Variants in CDIN1 observed in about 807,000 individuals in gnomAD.
The protein encoded by CDIN1 is CDAN1-interacting nuclease 1.
Under a neutral mutation model 45.3 loss-of-function variants are expected in CDIN1, and 33 were observed. The ratio of observed to expected loss-of-function variants is 0.73; its 90% CI spans 0.55 to 0.97. The LOEUF (loss-of-function observed/expected upper bound fraction) is 0.97, where lower values mean the gene tolerates loss of function less well. Ranked by LOEUF, CDIN1 falls within the 50% of genes least tolerant of loss-of-function variation. CDIN1 has a pLI of 0.00. For missense variants in CDIN1, 303 were observed against 339.4 expected, an observed-to-expected ratio of 0.89 and a Z score of 0.84; for synonymous variants, 118 against 124.4, an observed-to-expected ratio of 0.95 and a Z score of 0.34.
chr15:36,691,154 G>T, intron 5 of CDIN1: 1 of 518,546 alleles, frequency 1.9e-6, no homozygotes, highest in South Asian at 1.4e-5. Flanking sequence ...GGATTTTATG[G>T]CAGTTGATGA....
intron 10 of CDIN1, 64 bp from the exon 11 acceptor site, chr15:36,808,260 G>A (rs1442209138): frequency 6.3e-7 from 1 of 1,588,802 alleles, no homozygotes. Context: ...AGTGCCCCAA[G>A]GTGACTTTTT....
Position 36,596,562 on chromosome 15 carries a change from A to G in CDIN1, c.101+16601A>G, listed in dbSNP as rs893871154. On this transcript the variant is annotated intron_variant, in intron 1 of 10. Coordinates refer to ENST00000566621, the MANE Select transcript of CDIN1 (RefSeq NM_001321759.2). ...AACAGTTCAAAATGAATGTAAAAAA[A>G]ATTAGTTGCCAACTTGATATAAAGT... Among the ~76,000 whole-genome samples, 12 of 152,306 alleles carry G rather than the reference A, an allele frequency of 7.9e-5. No individual in the cohort carries two copies. The East Asian group carries it at 2.3e-3, about 29-fold the overall frequency.
intron 1 of CDIN1, among the ~76,000 whole-genome samples, chr15:36,606,671 A>G (rs1031504755): frequency 2.0e-5 from 3 of 152,206 alleles, no homozygotes; most frequent in Non-Finnish European, 4.4e-5. Context: ...TTACCTGCTT[A>G]TGATGTCTGT....
intron 10 of CDIN1, chr15:36,798,645 C>T (rs1166897403): frequency 6.6e-6 from 1 of 152,118 alleles, no homozygotes; most frequent in African/African-American, 2.4e-5. Flanking sequence ...ATATCCAAAA[C>T]CCATAAATCT....
At chr15:36,713,382 T>A (rs1171768488) in intron 10 of CDIN1, among the ~76,000 whole-genome samples, 1 of 152,002 alleles carries the variant, frequency 6.6e-6, no homozygotes, top group Non-Finnish European at 1.5e-5. Flanking sequence ...AAAGTGCACT[T>A]TGTTGATATA....
Position 36,677,096 on chromosome 15 carries a change from A to G in CDIN1, c.347-14589A>G, listed in dbSNP as rs1188211846. ...CTCTTTCCTTTGGCAGTGTGTTCAT[A>G]AATGTATTTATTCAGCAGTTTGTTG... On this transcript the variant is annotated intron_variant, in intron 5 of 10. Coordinates refer to ENST00000566621, the MANE Select transcript of CDIN1 (RefSeq NM_001321759.2). Among the ~76,000 whole-genome samples, 15 of 152,132 alleles carry G rather than the reference A, an allele frequency of 9.9e-5. No homozygotes were observed. In the East Asian group the frequency reaches 2.9e-3, roughly 29 times the overall value.
intron 10 of CDIN1, among the ~76,000 whole-genome samples, chr15:36,746,578 A>C (rs2044442802): frequency 6.6e-6 from 1 of 151,832 alleles, no homozygotes; most frequent in Admixed American, 6.6e-5. Flanking sequence ...TCTCTGTTTT[A>C]ATGCTTCATC....
intron 1 of CDIN1, among the ~76,000 whole-genome samples, chr15:36,615,352 A>G (rs1004108376): frequency 4.6e-5 from 7 of 152,148 alleles, no homozygotes; most frequent in Non-Finnish European, 5.9e-5. Flanking sequence ...TTGGCTTAAA[A>G]TGTACTCTCC....
chr15:36,741,226 A>G (rs1202164903), intron 10 of CDIN1, among the ~76,000 whole-genome samples: 1 of 152,178 alleles, frequency 6.6e-6, no homozygotes, highest in Non-Finnish European at 1.5e-5. Context: ...CATGACCTCT[A>G]CTTTATGAGG....
chr15:36,753,696 A>G (rs1167002452), intron 10 of CDIN1, among the ~76,000 whole-genome samples: 1 of 151,824 alleles, frequency 6.6e-6, no homozygotes, highest in African/African-American at 2.4e-5. Flanking sequence ...GTGTTCTCTA[A>G]GGACTCTGCC....
intron 5 of CDIN1, among the ~76,000 whole-genome samples, chr15:36,669,313 C>T (rs1566883939): frequency 6.6e-6 from 1 of 152,076 alleles, no homozygotes. Flanking sequence ...TTATAACCAA[C>T]ATTCTCAAAA....
At chr15:36,586,192 GT>G (rs10691719) in intron 1 of CDIN1, among the ~76,000 whole-genome samples, 5,150 of 140,182 alleles carry the variant, frequency 0.037, 292 homozygotes, top group African/African-American at 0.12. Flanking sequence ...TTACCTTTGA[GT>G]TTTTTTTTTT....
chr15:36,741,523 C>T (rs2044238584), intron 10 of CDIN1, among the ~76,000 whole-genome samples: 1 of 148,838 alleles, frequency 6.7e-6, no homozygotes, highest in Non-Finnish European at 1.5e-5. Flanking sequence ...CTCTAGGGGT[C>T]CTAGTTTCCT....
chr15:36,659,967 T>TTTC (rs976444766), intron 5 of CDIN1, among the ~76,000 whole-genome samples: 25 of 1,654 alleles, frequency 0.015, 1 homozygote, highest in Non-Finnish European at 0.025. Context: ...CTTCCTTTTC[T>TTTC]TTTTTTTTTT....
At chr15:36,627,739 G>T (rs186872530) in intron 1 of CDIN1, 1 of 152,548 alleles carries the variant, frequency 6.6e-6, no homozygotes, top group Non-Finnish European at 1.5e-5. Context: ...TGCTGCCCCA[G>T]CTGGACCAAC....
Position 36,808,186 on chromosome 15 carries a change from T to C in CDIN1, c.717-138T>C, listed in dbSNP as rs2055290988. 2.6e-6 allele frequency: 3 copies of C among 1,158,630 alleles called. No individual in the cohort carries two copies. The East Asian group carries it at 7.2e-5, about 28-fold the overall frequency. The allele number at this position is 1,158,630 out of a possible 1,614,324, so 71.8% of individuals were successfully genotyped here. On this transcript the variant is annotated intron_variant, in intron 10 of 10. Transcript: ENST00000566621. ...CTCTTTGGTATAAGTTTGGCTATTT[T>C]CAGTCACAATGGTAGCAACCAAAAC... is the stretch of plus-strand genomic sequence containing the variant.
chr15:36,768,948 G>A (rs2053995786), intron 10 of CDIN1, among the ~76,000 whole-genome samples: 1 of 152,052 alleles, frequency 6.6e-6, no homozygotes, highest in Non-Finnish European at 1.5e-5. Flanking sequence ...ATGTTATGGG[G>A]CTATCATGAA....
intron 10 of CDIN1, among the ~76,000 whole-genome samples, chr15:36,786,631 C>T (rs2054497979): frequency 6.6e-6 from 1 of 152,158 alleles, no homozygotes; most frequent in Non-Finnish European, 1.5e-5. Context: ...CTGCCCATCC[C>T]ACATCTAACC....
In CDIN1 at chr15:36,644,330, A is replaced by C. The variant is rs1426644055; in HGVS notation, c.147+7A>C. On this transcript the variant is annotated splice_region_variant and intron_variant, in intron 2 of 10. Transcript: ENST00000566621. ...CTTCTCCCAGGAGTACCAGGTTAGA[A>C]GTTTTCTCCTTTGTGAGGGTTGACA... 6.8e-6 allele frequency: 11 copies of C among 1,612,650 alleles called. No homozygotes were observed. The highest frequency in any genetic ancestry group is 8.5e-6 in the Non-Finnish European group (10 of 1,179,234).
Sources: allele counts gnomAD v4.1 joint callset (sites outside exome capture counted in the v4.1 genomes callset), GRCh38; gene constraint gnomAD v4.1.1; transcripts MANE v1.5; gene names NCBI Gene and HGNC (gene_info 2026-07-23, HGNC 2026-07-21).